DPP6: variants seen among roughly 807,000 people sequenced by gnomAD.
DPP6 encodes the protein A-type potassium channel modulatory protein DPP6.
DPP6 carries 69 observed loss-of-function variants against 122.6 expected under a neutral mutation model. The ratio of observed to expected loss-of-function variants is 0.56; its 90% CI spans 0.46 to 0.69. DPP6 has a LOEUF of 0.69. DPP6 is among the 30% of genes least tolerant of loss of function. The probability of loss-of-function intolerance (pLI) is 0.00; values close to 1 mark genes in which losing one functional copy is unlikely to be tolerated. For missense variants in DPP6, 928 were observed against 1,116.9 expected (o/e 0.83, Z 2.41); for synonymous variants, 418 against 433.1 (o/e 0.97, Z 0.43).
At chr7:154,351,638 G>A (rs1270401178) in intron 1 of DPP6, among the ~76,000 whole-genome samples, 3 of 152,214 alleles carry the variant, frequency 2.0e-5, no homozygotes, top group African/African-American at 4.8e-5. Flanking sequence ...AGCCTGGAAT[G>A]TGCTGTCAGT....
At chr7:154,366,315 C>T (rs971204857) in intron 1 of DPP6, among the ~76,000 whole-genome samples, 2 of 152,138 alleles carry the variant, frequency 1.3e-5, no homozygotes, top group African/African-American at 4.8e-5. Flanking sequence ...TATTAAAAAG[C>T]GGGGAAAAAG....
At chr7:154,499,855 A>G (rs1042997604) in intron 3 of DPP6, among the ~76,000 whole-genome samples, 2 of 152,310 alleles carry the variant, frequency 1.3e-5, no homozygotes, top group African/African-American at 4.8e-5. Context: ...GGGAGGACTC[A>G]TAAGAGTCAG....
At chr7:154,632,278 C>T (rs765450262) in intron 5 of DPP6, among the ~76,000 whole-genome samples, 1 of 152,122 alleles carries the variant, frequency 6.6e-6, no homozygotes, top group East Asian at 1.9e-4. Context: ...TTAGGCTAAA[C>T]GTGACTTAAC....
intron 8 of DPP6, among the ~76,000 whole-genome samples, chr7:154,757,346 G>A (rs1335185594): frequency 6.6e-6 from 1 of 152,234 alleles, no homozygotes. Context: ...CCCTGCAAGT[G>A]TCTGCAAATG....
At chr7:154,759,236 T>TA (rs1795354244) in intron 8 of DPP6, among the ~76,000 whole-genome samples, 1 of 152,210 alleles carries the variant, frequency 6.6e-6, no homozygotes, top group Non-Finnish European at 1.5e-5. Flanking sequence ...GGCTCACTGC[T>TA]TCCCCAGTCT....
At chr7:154,063,354 T>TG in intron 1 of DPP6, among the ~76,000 whole-genome samples, 1 of 96,098 alleles carries the variant, frequency 1.0e-5, no homozygotes, top group Non-Finnish European at 2.1e-5. Flanking sequence ...GGAACCCCAT[T>TG]GCAGGAGGGT....
At chr7:154,726,513 C>T (rs113552270) in intron 7 of DPP6, among the ~76,000 whole-genome samples, 1,613 of 152,248 alleles carry the variant, frequency 0.011, 17 homozygotes, top group South Asian at 0.02. Context: ...CTGGTGTGGG[C>T]GCAATGCAGG....
At chr7:153,822,714 CA>C in the DPP6 span, among the ~76,000 whole-genome samples, 1 of 151,984 alleles carries the variant, frequency 6.6e-6, no homozygotes, top group African/African-American at 2.4e-5. Context: ...CTGTGGTGGA[CA>C]AAAAATAATA....
rs140490655 is a variant in DPP6, at chr7:154,723,454, A to G, written c.763-4313A>G. Among the ~76,000 whole-genome samples, 212 of 131,180 alleles carry G rather than the reference A, an allele frequency of 1.6e-3. No homozygotes were observed. The Middle Eastern group carries it at 0.022, about 14-fold the overall frequency. 86.1% of individuals were successfully genotyped at this position (131,180 alleles called of 152,430 possible). ...ATTCAAAAATCCATTGTAGGCTTAC[A>G]ACACATTTATTTTTAAAAAAAAAAA... is the stretch of plus-strand genomic sequence containing the variant. On this transcript the variant is annotated intron_variant, in intron 7 of 25. Transcript: ENST00000377770.
At chr7:154,640,249 T>TAA (rs1835985636) in intron 6 of DPP6, among the ~76,000 whole-genome samples, 1 of 70,204 alleles carries the variant, frequency 1.4e-5, no homozygotes, top group East Asian at 6.8e-4. Context: ...TGAGACTCTG[T>TAA]CAAACAAAAA....
chr7:154,598,714 A>G (rs1275194525), intron 5 of DPP6, among the ~76,000 whole-genome samples: 1 of 152,230 alleles, frequency 6.6e-6, no homozygotes, highest in Non-Finnish European at 1.5e-5. Context: ...TCTGGAACTC[A>G]GCGCTGCTGC....
intron 1 of DPP6, among the ~76,000 whole-genome samples, chr7:154,194,870 A>T (rs545504117): frequency 1.3e-5 from 2 of 152,348 alleles, no homozygotes; most frequent in East Asian, 3.9e-4. Context: ...AGTTTCAAGA[A>T]ATATATTCTG....
the DPP6 span, among the ~76,000 whole-genome samples, chr7:153,868,435 G>T: frequency 6.6e-6 from 1 of 152,158 alleles, no homozygotes; most frequent in Non-Finnish European, 1.5e-5. Flanking sequence ...TAGTTTATTT[G>T]CGTAGAGGTG....
intron 4 of DPP6, among the ~76,000 whole-genome samples, chr7:154,555,287 T>TA (rs1036205430): frequency 1.3e-5 from 2 of 152,002 alleles, no homozygotes; most frequent in Admixed American, 1.3e-4. Flanking sequence ...TATGCAGCCA[T>TA]AAAAAATGAT....
At chr7:154,065,424 C>G (rs1291033280) in intron 1 of DPP6, among the ~76,000 whole-genome samples, 1 of 151,260 alleles carries the variant, frequency 6.6e-6, no homozygotes, top group Non-Finnish European at 1.5e-5. Flanking sequence ...GCCTGAGTGC[C>G]CACATTCCAT....
chr7:154,741,324 A>G (rs1184607596), intron 8 of DPP6, among the ~76,000 whole-genome samples: 1 of 152,228 alleles, frequency 6.6e-6, no homozygotes, highest in Non-Finnish European at 1.5e-5. Context: ...AACCTGGCAG[A>G]ACCCAGGAAG....
chr7:154,088,955 C>T (rs1478068842), intron 1 of DPP6, among the ~76,000 whole-genome samples: 1 of 152,304 alleles, frequency 6.6e-6, no homozygotes, highest in East Asian at 1.9e-4. Context: ...TGTCAGGCAG[C>T]ACAGTGGAGA....
intron 1 of DPP6, among the ~76,000 whole-genome samples, chr7:154,313,663 C>A: frequency 2.7e-5 from 3 of 110,600 alleles, no homozygotes; most frequent in Non-Finnish European, 3.7e-5. Context: ...TACCTAGAAG[C>A]AACAAGATAT....
intron 1 of DPP6, among the ~76,000 whole-genome samples, chr7:154,373,205 T>G (rs1035441989): frequency 2.6e-5 from 4 of 152,240 alleles, no homozygotes; most frequent in African/African-American, 9.6e-5. Flanking sequence ...AAACTTAGAA[T>G]GTGAAGAGCC....
Sources: allele counts gnomAD v4.1 joint callset (sites outside exome capture counted in the v4.1 genomes callset), GRCh38; gene constraint gnomAD v4.1.1; transcripts MANE v1.5; gene names NCBI Gene and HGNC (gene_info 2026-07-23, HGNC 2026-07-21).